Variants in CAMKMT observed in about 807,000 individuals in gnomAD.
The protein encoded by CAMKMT is CaM KMT.
Under a neutral mutation model 48.0 loss-of-function variants are expected in CAMKMT, and 53 were observed. The ratio of observed to expected loss-of-function variants is 1.10; its 90% CI spans 0.89 to 1.39. The LOEUF (loss-of-function observed/expected upper bound fraction) is 1.39. CAMKMT is among the 40% of genes most tolerant of loss of function. The probability of loss-of-function intolerance (pLI) is 0.00; values close to 1 mark genes in which losing one functional copy is unlikely to be tolerated. For missense variants in CAMKMT, 428 were observed against 402.7 expected (o/e 1.06, Z -0.54); for synonymous variants, 165 against 152.3 (o/e 1.08, Z -0.61).
intron 3 of CAMKMT, among the ~76,000 whole-genome samples, chr2:44,630,142 C>T (rs574198472): frequency 1.9e-4 from 29 of 151,798 alleles, no homozygotes; most frequent in South Asian, 4.2e-4. Context: ...ATAAGCAATG[C>T]GGAAAGGATT....
chr2:44,708,397 C>G (rs1176007671), intron 6 of CAMKMT, among the ~76,000 whole-genome samples: 1 of 151,610 alleles, frequency 6.6e-6, no homozygotes, highest in Non-Finnish European at 1.5e-5. Flanking sequence ...AAATATGCAG[C>G]AGCTTCATCA....
chr2:44,556,836 G>C (rs1171147789), intron 3 of CAMKMT, among the ~76,000 whole-genome samples: 1 of 151,402 alleles, frequency 6.6e-6, no homozygotes, highest in Non-Finnish European at 1.5e-5. Context: ...CTAGCACTTT[G>C]GGAGGCCGAA....
chr2:44,757,374 A>G (rs549019521), intron 9 of CAMKMT, among the ~76,000 whole-genome samples: 1 of 152,294 alleles, frequency 6.6e-6, no homozygotes, highest in Non-Finnish European at 1.5e-5. Context: ...GAAGGTATAC[A>G]TGGGCTGTGG....
At chr2:44,574,040 A>C (rs1669068815) in intron 3 of CAMKMT, among the ~76,000 whole-genome samples, 1 of 152,192 alleles carries the variant, frequency 6.6e-6, no homozygotes, top group Non-Finnish European at 1.5e-5. Flanking sequence ...GAACGTTTGA[A>C]TCTACATATT....
chr2:44,490,931 G>C (rs958155066), intron 3 of CAMKMT, among the ~76,000 whole-genome samples: 1 of 152,002 alleles, frequency 6.6e-6, no homozygotes, highest in African/African-American at 2.4e-5. Flanking sequence ...GGGTGAATCA[G>C]TTGAGCTCAA....
chr2:44,709,727 A>G (rs1677770311), intron 6 of CAMKMT, among the ~76,000 whole-genome samples: 1 of 152,170 alleles, frequency 6.6e-6, no homozygotes, highest in Non-Finnish European at 1.5e-5. Context: ...ATTACTGTTT[A>G]CATCTTTCCT....
intron 3 of CAMKMT, among the ~76,000 whole-genome samples, chr2:44,488,709 C>G (rs972353988): frequency 4.2e-5 from 6 of 144,272 alleles, no homozygotes; most frequent in African/African-American, 1.5e-4. Context: ...TCAAATCAAA[C>G]AAAAAAAAAA....
intron 6 of CAMKMT, among the ~76,000 whole-genome samples, chr2:44,708,717 T>C (rs773607883): frequency 2.0e-5 from 3 of 152,140 alleles, no homozygotes; most frequent in Non-Finnish European, 4.4e-5. Context: ...ATTTCGTGCA[T>C]GTATCCATGT....
chr2:44,428,421 A>G (rs1684419955), intron 3 of CAMKMT, among the ~76,000 whole-genome samples: 1 of 151,764 alleles, frequency 6.6e-6, no homozygotes, highest in Non-Finnish European at 1.5e-5. Flanking sequence ...CTGCCAATGG[A>G]GGTTGTGATT....
chr2:44,385,160 C>T (rs572651254), intron 2 of CAMKMT, among the ~76,000 whole-genome samples: 2 of 151,996 alleles, frequency 1.3e-5, no homozygotes, highest in South Asian at 4.2e-4. Context: ...TTTCTTTCAG[C>T]TGTGTTTTGT....
At chr2:44,761,267 C>T (rs540251837) in intron 9 of CAMKMT, among the ~76,000 whole-genome samples, 181 of 152,222 alleles carry the variant, frequency 1.2e-3, no homozygotes, top group Non-Finnish European at 1.8e-3. Context: ...GGAGCATGTG[C>T]ATGTTTGAAC....
At chr2:44,683,839 AAAAAGAAAAAG>A (rs1558793957) in intron 3 of CAMKMT, among the ~76,000 whole-genome samples, 4 of 148,854 alleles carry the variant, frequency 2.7e-5, no homozygotes, top group African/African-American at 7.5e-5. Context: ...AAAAAAAAAA[AAAAAGAAAAAG>A]AAAAAAGAAA....
intron 7 of CAMKMT, among the ~76,000 whole-genome samples, chr2:44,733,389 C>T (rs1490653535): frequency 1.3e-5 from 2 of 152,072 alleles, no homozygotes; most frequent in African/African-American, 4.8e-5. Flanking sequence ...GATCTTGTAT[C>T]CCACAATCCT....
chr2:44,711,896 A>G (rs1677898893), intron 6 of CAMKMT, among the ~76,000 whole-genome samples: 1 of 152,190 alleles, frequency 6.6e-6, no homozygotes, highest in Non-Finnish European at 1.5e-5. Flanking sequence ...TAGAACCAGC[A>G]CTAGAAGCCA....
chr2:44,454,556 C>T (rs546353347), intron 3 of CAMKMT, among the ~76,000 whole-genome samples: 3 of 152,258 alleles, frequency 2.0e-5, no homozygotes, highest in African/African-American at 7.2e-5. Flanking sequence ...GTTCCCAAGG[C>T]ACTGGGAACT....
intron 1 of CAMKMT, among the ~76,000 whole-genome samples, chr2:44,367,848 A>C (rs566900812): frequency 5.3e-5 from 8 of 152,202 alleles, no homozygotes; most frequent in Non-Finnish European, 8.8e-5. Flanking sequence ...TTGATGATGT[A>C]ATCAGGGCAT....
intron 3 of CAMKMT, among the ~76,000 whole-genome samples, chr2:44,498,929 G>A (rs1669883184): frequency 6.6e-6 from 1 of 152,006 alleles, no homozygotes; most frequent in Admixed American, 6.6e-5. Context: ...GTTGGGGGAG[G>A]GATTTCTCTC....
chr2:44,588,317 C>T (rs1670019224), intron 3 of CAMKMT, among the ~76,000 whole-genome samples: 1 of 86,146 alleles, frequency 1.2e-5, no homozygotes, highest in Non-Finnish European at 2.5e-5. Flanking sequence ...GGGGGGTCAG[C>T]CCCCCGCCCG....
chr2:44,520,111 C>T (rs1424037630), intron 3 of CAMKMT, among the ~76,000 whole-genome samples: 2 of 151,394 alleles, frequency 1.3e-5, no homozygotes, highest in Non-Finnish European at 2.9e-5. Flanking sequence ...CCCAGCTATT[C>T]GGGAGGCTGA....
Sources: allele counts gnomAD v4.1 joint callset (sites outside exome capture counted in the v4.1 genomes callset), GRCh38; gene constraint gnomAD v4.1.1; transcripts MANE v1.5; gene names NCBI Gene and HGNC (gene_info 2026-07-23, HGNC 2026-07-21).